The following APOBEC4 variants were observed in gnomAD, a reference collection of about 807,000 sequenced individuals.
APOBEC4 encodes the protein putative deaminase APOBEC-4.
For missense variants in APOBEC4, 375 were observed against 441.2 expected, an observed-to-expected ratio of 0.85 and a Z score of 1.34; for synonymous variants, 141 against 154.2, an observed-to-expected ratio of 0.91 and a Z score of 0.63.
At chr1:183,650,458 G>C (rs1251444612) in intron 1 of APOBEC4, among the ~76,000 whole-genome samples, 1 of 152,108 alleles carries the variant, frequency 6.6e-6, no homozygotes, top group African/African-American at 2.4e-5. Flanking sequence ...CAGGAGAATA[G>C]CGTGAACCCA....
At chr1:183,650,814 A>G (rs1650693638) in intron 1 of APOBEC4, among the ~76,000 whole-genome samples, 1 of 151,582 alleles carries the variant, frequency 6.6e-6, no homozygotes, top group South Asian at 2.1e-4. Flanking sequence ...TTCTCTTACA[A>G]TGTTGTTTAT....
At position 183,647,845 on chromosome 1, in the gene APOBEC4, G is replaced by T; in HGVS notation, c.937C>A (p.Pro313Thr). The T allele has an allele frequency of 6.2e-7, 1 of 1,614,164 alleles. No homozygotes were observed. The highest frequency in any genetic ancestry group is 8.5e-7 in the Non-Finnish European group (1 of 1,180,038). Reference sequence around the variant, plus strand: ...TTTAAGTGCCTTACGATATTCCTGGGTTTATTTGGGTTTTGGCCCATATGC... The same window carrying T: ...TTTAAGTGCCTTACGATATTCCTGGTTTTATTTGGGTTTTGGCCCATATGC... ...PMHMGQNPNK[P>T]RNIVRHLNMP... is the part of the protein sequence containing the mutation. Residue 313 changes from proline to threonine, a missense_variant, in exon 2 of 2, where the codon CCC (proline) becomes ACC (threonine). Physicochemically the swap from Pro to Thr is conservative, Grantham distance 38. Coordinates refer to ENST00000308641, the MANE Select transcript of APOBEC4 (RefSeq NM_203454.3).
chr1:183,647,792 G>C lies in APOBEC4; in HGVS notation c.990C>G (p.Thr330=). The C allele has an allele frequency of 2.5e-6, 4 of 1,614,128 alleles. 1 individual carries two copies. In the South Asian group the frequency reaches 4.4e-5, roughly 18 times the overall value. ...LNMPQMSFQE[T]KDLGRLPTGR... ...CAGTGGGAAGCCTTCCAAGGTCCTT[G>C]GTTTCCTGGAATGACATTTGAGGCA... Residue 330 remains threonine (T), a synonymous_variant, in exon 2 of 2, where the codon ACC becomes ACG. Transcript: ENST00000308641.
At chr1:183,652,529 T>C (rs1274387257) in intron 1 of APOBEC4, among the ~76,000 whole-genome samples, 1 of 152,206 alleles carries the variant, frequency 6.6e-6, no homozygotes, top group Non-Finnish European at 1.5e-5. Flanking sequence ...AGAGAATTCA[T>C]GGTTTATTGT....
At position 183,653,271 on chromosome 1, in the gene APOBEC4, G is replaced by C. The variant is rs1650902603; in HGVS notation, c.-230C>G. ...GTTCATTTGAACTTTGCTGTTCCAA[G>C]TTAGAAAGCCCTTGCTGAGGTGTGG... is the stretch of plus-strand genomic sequence containing the variant. On this transcript the variant is annotated 5_prime_UTR_variant, in exon 1 of 2. Coordinates refer to ENST00000308641, the MANE Select transcript of APOBEC4 (RefSeq NM_203454.3). 3 of 152,248 alleles carry C rather than the reference G, an allele frequency of 2.0e-5. No homozygotes were observed. Among genetic ancestry groups the C allele is most frequent in the Non-Finnish European group, 1.5e-5 (1 of 68,080 alleles). 9.4% of individuals were successfully genotyped at this position (152,248 alleles called of 1,614,324 possible).
chr1:183,649,525 T>C (rs561764150), intron 1 of APOBEC4, among the ~76,000 whole-genome samples: 1 of 152,270 alleles, frequency 6.6e-6, no homozygotes, highest in East Asian at 1.9e-4. Context: ...GATCATGGGA[T>C]CTCTTTTGCT....
At chr1:183,651,033 G>A (rs1381420902) in intron 1 of APOBEC4, among the ~76,000 whole-genome samples, 1 of 152,072 alleles carries the variant, frequency 6.6e-6, no homozygotes, top group Non-Finnish European at 1.5e-5. Flanking sequence ...TATTAAATCT[G>A]CCACATTTGC....
intron 1 of APOBEC4, among the ~76,000 whole-genome samples, chr1:183,650,691 TTA>T (rs1360944407): frequency 1.4e-5 from 2 of 141,950 alleles, no homozygotes; most frequent in Admixed American, 1.5e-4. Flanking sequence ...TATATAATAT[TTA>T]TTATAAAGAA....
In APOBEC4 at chr1:183,648,154, CAT is replaced by C. The variant is rs1185554934; in HGVS notation, c.626_627del (p.His209ArgfsTer13). ...CTCCCAGTTAAAATGGGCTGAAAAACATGTGATCCTGAGACACCACTTATAAA... is the reference window on the plus strand; with the variant it reads ...CTCCCAGTTAAAATGGGCTGAAAAACGTGATCCTGAGACACCACTTATAAA... Reference protein sequence around the residue: ...HSFISGVSGSHVFQPILTGRA... With the variant: ...HSFISGVSGSXVFQPILTGRA... On this transcript the variant is annotated frameshift_variant, in exon 2 of 2. Transcript: ENST00000308641. LOFTEE classifies it low-confidence loss of function (END_TRUNC). The C allele has an allele frequency of 1.2e-6, 2 of 1,614,190 alleles. No homozygotes were observed. Among genetic ancestry groups the C allele is most frequent in the South Asian group, 1.1e-5 (1 of 91,088 alleles).
Position 183,647,965 on chromosome 1 carries a change from G to GAA in APOBEC4, c.815_816dup (p.Gln273PhefsTer24). 6.2e-7 allele frequency: 1 copy of GAA among 1,614,210 alleles called. No homozygotes were observed. The highest frequency in any genetic ancestry group is 8.5e-7 in the Non-Finnish European group (1 of 1,180,034). ...GGTTGGAGTTGTCCACTCGGCATTT[G>GAA]AAAAAACTGTCCAGGAAAGGCATTG... is the stretch of plus-strand genomic sequence containing the variant. On this transcript the variant is annotated frameshift_variant, in exon 2 of 2. Coordinates refer to ENST00000308641, the MANE Select transcript of APOBEC4 (RefSeq NM_203454.3). LOFTEE classifies it low-confidence loss of function (END_TRUNC).
chr1:183,650,807 T>G (rs1199211407), intron 1 of APOBEC4, among the ~76,000 whole-genome samples: 2 of 151,922 alleles, frequency 1.3e-5, no homozygotes, highest in Non-Finnish European at 2.9e-5. Flanking sequence ...TATCACATTC[T>G]CTTACAATGT....
chr1:183,647,198 C>G lies in APOBEC4; in HGVS notation c.*480G>C, dbSNP rs1052942791. The G allele has an allele frequency of 1.3e-5, 2 of 152,950 alleles. No homozygotes were observed. The highest frequency in any genetic ancestry group is 4.8e-5 in the African/African-American group (2 of 41,444). The allele number at this position is 152,950 out of a possible 1,614,324, so 9.5% of individuals were successfully genotyped here. A position where few individuals can be genotyped will look rare whatever the true frequency, so the allele number is the denominator to read the frequency against. ...AATCACTTTAGAAAAAAATGAGCTG[C>G]CTAAAATCTTCTGTCCATGATTAAC... On this transcript the variant is annotated 3_prime_UTR_variant, in exon 2 of 2. Transcript: ENST00000308641.
chr1:183,651,017 C>T (rs1650710959), intron 1 of APOBEC4, among the ~76,000 whole-genome samples: 1 of 152,096 alleles, frequency 6.6e-6, no homozygotes, highest in Non-Finnish European at 1.5e-5. Flanking sequence ...TTTTATGCAT[C>T]AAGAATATTA....
In APOBEC4 at chr1:183,646,367, G is replaced by A. The variant is rs909605841; in HGVS notation, c.*1311C>T. The A allele has an allele frequency of 7.3e-5, 11 of 151,714 alleles. No homozygotes were observed. Among genetic ancestry groups the A allele is most frequent in the African/African-American group, 2.7e-4 (11 of 41,284 alleles). The allele number at this position is 151,714 out of a possible 1,614,324, so 9.4% of individuals were successfully genotyped here. A position where few individuals can be genotyped will look rare whatever the true frequency, so the allele number is the denominator to read the frequency against. The stretch of plus-strand genomic sequence containing the variant: ...TTTCTTTCTCCTCCTCCCTTATGGA[G>A]TATTAAATGTTTTAATGTCATGGCA... On this transcript the variant is annotated 3_prime_UTR_variant, in exon 2 of 2. Transcript: ENST00000308641.
chr1:183,651,766 C>CAT (rs1356120006), intron 1 of APOBEC4, among the ~76,000 whole-genome samples: 1 of 152,198 alleles, frequency 6.6e-6, no homozygotes, highest in Non-Finnish European at 1.5e-5. Flanking sequence ...TAGACCTTGT[C>CAT]ATAGCTTTCC....
At chr1:183,650,772 G>C (rs186551189) in intron 1 of APOBEC4, among the ~76,000 whole-genome samples, 1 of 148,852 alleles carries the variant, frequency 6.7e-6, no homozygotes, top group East Asian at 1.9e-4. Context: ...TTGTCAAATC[G>C]CTTCCTAGGA....
chr1:183,648,778 C>T lies in APOBEC4; in HGVS notation c.4G>A (p.Glu2Lys), dbSNP rs763522170. 24 of 1,586,106 alleles carry T rather than the reference C, an allele frequency of 1.5e-5. No individual in the cohort carries two copies. The highest frequency in any genetic ancestry group is 2.7e-5 in the African/African-American group (2 of 73,622). Residue 2 changes from glutamate (E) to lysine (K), a missense_variant, in exon 2 of 2, where the codon GAG becomes AAG. Glu to Lys is a moderately conservative substitution (Grantham distance 56, BLOSUM62 1). Coordinates refer to ENST00000308641, the MANE Select transcript of APOBEC4 (RefSeq NM_203454.3). The part of the protein sequence containing the change: M[E>K]PIYEEYLANH... ...GCTAGGTACTCCTCATATATGGGCT[C>T]CATTGCTAGATTTACTGTCTTCTAG...
Position 183,646,896 on chromosome 1 carries a change from A to C in APOBEC4, c.*782T>G, listed in dbSNP as rs1309135812. ...GAAAAGCTAAAGAGAAGGGAGAGAC[A>C]GTGCTTGACCTGTAGGTACTTATGA... is the stretch of plus-strand genomic sequence containing the variant. On this transcript the variant is annotated 3_prime_UTR_variant, in exon 2 of 2. Transcript: ENST00000308641. 2 of 152,236 alleles carry C rather than the reference A, an allele frequency of 1.3e-5. No individual in the cohort carries two copies. The highest frequency in any genetic ancestry group is 2.9e-5 in the Non-Finnish European group (2 of 68,044). 9.4% of individuals were successfully genotyped at this position (152,236 alleles called of 1,614,324 possible).
chr1:183,651,322 T>G (rs1040627311), intron 1 of APOBEC4, among the ~76,000 whole-genome samples: 1 of 152,186 alleles, frequency 6.6e-6, no homozygotes, highest in East Asian at 1.9e-4. Context: ...AGAATATATT[T>G]TTCACTTTTC....
Sources: allele counts gnomAD v4.1 joint callset (sites outside exome capture counted in the v4.1 genomes callset), GRCh38; gene constraint gnomAD v4.1.1; transcripts MANE v1.5; gene names NCBI Gene and HGNC (gene_info 2026-07-23, HGNC 2026-07-21).